The following GFRAL variants were observed in gnomAD, a reference collection of about 807,000 sequenced individuals.
GFRAL encodes GDNF family receptor alpha-like.
A neutral mutation model predicts 45.4 loss-of-function variants in GFRAL; 36 were observed. That is an observed-to-expected ratio of 0.79 (90% confidence interval 0.61 to 1.05). The LOEUF (loss-of-function observed/expected upper bound fraction) is 1.05, where lower values mean the gene tolerates loss of function less well. Ranked by LOEUF, GFRAL falls within the 50% of genes least tolerant of loss-of-function variation. The probability of loss-of-function intolerance (pLI) is 0.00; values close to 1 mark genes in which losing one functional copy is unlikely to be tolerated. For synonymous variants in GFRAL, 166 were observed against 154.1 expected (o/e 1.08, Z -0.57); for missense variants, 507 against 467.5 (o/e 1.08, Z -0.78).
chr6:55,352,042 C>T (rs1768125359), intron 5 of GFRAL, among the ~76,000 whole-genome samples: 1 of 152,064 alleles, frequency 6.6e-6, no homozygotes, highest in Non-Finnish European at 1.5e-5. Flanking sequence ...TAAATACTCA[C>T]ATGAGTGGTG....
At chr6:55,347,610 G>A (rs1205332554) in intron 3 of GFRAL, among the ~76,000 whole-genome samples, 2 of 152,068 alleles carry the variant, frequency 1.3e-5, no homozygotes, top group Non-Finnish European at 2.9e-5. Context: ...TTATAAGGAT[G>A]AATAATTAAT....
intron 3 of GFRAL, among the ~76,000 whole-genome samples, chr6:55,339,507 A>G (rs1767934442): frequency 6.6e-6 from 1 of 152,178 alleles, no homozygotes; most frequent in African/African-American, 2.4e-5. Flanking sequence ...GGAAAAACAC[A>G]AAGGGAGGAG....
chr6:55,331,610 C>A, intron 1 of GFRAL, 105 bp from the exon 2 acceptor site: 1 of 945,060 alleles, frequency 1.1e-6, no homozygotes, highest in Non-Finnish European at 1.5e-6. Flanking sequence ...TATTTCACTA[C>A]ATGTTATTTT....
At chr6:55,350,371 T>G (rs1768099922) in intron 4 of GFRAL, among the ~76,000 whole-genome samples, 1 of 152,034 alleles carries the variant, frequency 6.6e-6, no homozygotes, top group Admixed American at 6.6e-5. Context: ...AAGAAATACT[T>G]AATAATTAAA....
chr6:55,327,769 T>A (rs1767784657), intron 1 of GFRAL, among the ~76,000 whole-genome samples, 193 bp downstream of exon 1: 2 of 152,094 alleles, frequency 1.3e-5, no homozygotes, highest in South Asian at 4.1e-4. Context: ...TTTCTAACTC[T>A]ATAGATAATG....
In GFRAL at chr6:55,399,183, A is replaced by G; in HGVS notation, c.956A>G (p.Tyr319Cys). 2 of 1,545,646 alleles carry G rather than the reference A, an allele frequency of 1.3e-6. No individual in the cohort carries two copies. The highest frequency in any genetic ancestry group is 1.8e-6 in the Non-Finnish European group (2 of 1,132,172). Residue 319 changes from tyrosine to cysteine, a missense_variant, in exon 7 of 9, where the codon TAT (tyrosine) becomes TGT (cysteine). Coordinates refer to ENST00000340465, the MANE Select transcript of GFRAL (RefSeq NM_207410.2). The stretch of plus-strand genomic sequence containing the variant: ...CATTTTTATGATTTTCTTTCAGATT[A>G]TCCAACCCTGTCTAATGTCAAAGGC... Reference protein sequence around the residue: ...HMLHRKSCFNYPTLSNVKGMA... With the variant: ...HMLHRKSCFNCPTLSNVKGMA...
chr6:55,381,879 T>C (rs1768613403), intron 6 of GFRAL, among the ~76,000 whole-genome samples: 1 of 151,890 alleles, frequency 6.6e-6, no homozygotes, highest in Admixed American at 6.6e-5. Flanking sequence ...CATACACGTA[T>C]ACATAAATGC....
At chr6:55,392,082 T>G (rs919622911) in intron 6 of GFRAL, among the ~76,000 whole-genome samples, 7 of 152,190 alleles carry the variant, frequency 4.6e-5, no homozygotes, top group African/African-American at 1.7e-4. Flanking sequence ...GCAGAAGACA[T>G]TCATTGCTCT....
intron 3 of GFRAL, among the ~76,000 whole-genome samples, chr6:55,345,293 A>G (rs1286592240): frequency 6.6e-6 from 1 of 152,218 alleles, no homozygotes; most frequent in Admixed American, 6.5e-5. Context: ...ACTTCAAACT[A>G]TACTACAAGG....
At chr6:55,399,070 T>C in intron 6 of GFRAL, 110 bp from the exon 7 acceptor site, 1 of 559,492 alleles carries the variant, frequency 1.8e-6, no homozygotes, top group Non-Finnish European at 3.1e-6. Context: ...CAGATTAAAA[T>C]AATGTAATGG....
rs1029539903 is a variant in GFRAL, at chr6:55,402,134, C to T, written c.*281C>T. The T allele has an allele frequency of 4.5e-5, 11 of 242,998 alleles. No homozygotes were observed. Among genetic ancestry groups the T allele is most frequent in the East Asian group, 9.2e-5 (1 of 10,888 alleles). 15.1% of individuals were successfully genotyped at this position (242,998 alleles called of 1,614,324 possible). ...CTGGGATTACAGGTACCCGCCACCACGCCCAGCTAATTTTTTTGTATTTTT... is the reference window on the plus strand; with the variant it reads ...CTGGGATTACAGGTACCCGCCACCATGCCCAGCTAATTTTTTTGTATTTTT... On this transcript the variant is annotated 3_prime_UTR_variant, in exon 9 of 9. Transcript: ENST00000340465.
intron 3 of GFRAL, among the ~76,000 whole-genome samples, chr6:55,338,437 A>C (rs1767919028): frequency 6.6e-6 from 1 of 152,146 alleles, no homozygotes; most frequent in Admixed American, 6.5e-5. Context: ...AGATATCTTC[A>C]TTATTGATTT....
intron 6 of GFRAL, among the ~76,000 whole-genome samples, chr6:55,376,636 G>A (rs1768538739): frequency 6.6e-6 from 1 of 151,898 alleles, no homozygotes; most frequent in Non-Finnish European, 1.5e-5. Flanking sequence ...GTGCATAGAG[G>A]TGTTTATAGT....
chr6:55,395,175 A>AAAAAAATATATAT, intron 6 of GFRAL, among the ~76,000 whole-genome samples: 22 of 123,504 alleles, frequency 1.8e-4, no homozygotes, highest in African/African-American at 6.2e-4. Flanking sequence ...AAAAAAAAAA[A>AAAAAAATATATAT]ATATATATAT....
At chr6:55,368,698 GCC>G (rs1177686610) in intron 6 of GFRAL, among the ~76,000 whole-genome samples, 2 of 152,134 alleles carry the variant, frequency 1.3e-5, no homozygotes, top group Non-Finnish European at 2.9e-5. Flanking sequence ...GGAGTACCCT[GCC>G]CTGTGAGGTG....
At chr6:55,367,566 G>T (rs1344783517) in intron 6 of GFRAL, among the ~76,000 whole-genome samples, 1 of 150,874 alleles carries the variant, frequency 6.6e-6, no homozygotes, top group Non-Finnish European at 1.5e-5. Flanking sequence ...GCATGATTTT[G>T]CAGCAGCTGG....
rs772386106 is a variant in GFRAL at position 55,350,131 on chromosome 6, C to T, written c.356C>T (p.Thr119Ile). Residue 119 changes from threonine to isoleucine, a missense_variant, in exon 4 of 9, where the codon ACA (threonine) becomes ATA (isoleucine). By Grantham distance (89) the Thr-to-Ile change is moderately conservative. Coordinates refer to ENST00000340465, the MANE Select transcript of GFRAL (RefSeq NM_207410.2). The stretch of plus-strand genomic sequence containing the variant: ...GATAAATTCAAATGGAATCTAACTA[C>T]ACGTTCCCATCATGGTAATGTTTTT... ...KEDKFKWNLT[T>I]RSHHGFKGMW... The T allele has an allele frequency of 1.1e-5, 17 of 1,536,192 alleles. No homozygotes were observed. The highest frequency in any genetic ancestry group is 1.7e-5 in the Admixed American group (1 of 59,626).
intron 3 of GFRAL, among the ~76,000 whole-genome samples, chr6:55,340,673 G>A (rs1240644296): frequency 6.6e-6 from 1 of 152,138 alleles, no homozygotes; most frequent in Non-Finnish European, 1.5e-5. Context: ...TCAGACAGTG[G>A]GGGCAGGATA....
chr6:55,366,169 G>T lies in GFRAL; in HGVS notation c.952+7031G>T, dbSNP rs960727939. Reference sequence around the variant, plus strand: ...CAACATCTTCCTGGTTTAGTCTTGGGAGAGTGTATGTGTCGAGGAATTTAT... The same window carrying T: ...CAACATCTTCCTGGTTTAGTCTTGGTAGAGTGTATGTGTCGAGGAATTTAT... On this transcript the variant is annotated intron_variant, in intron 6 of 8. Transcript: ENST00000340465. Among the ~76,000 whole-genome samples the T allele has an allele frequency of 4.0e-3, 611 of 151,822 alleles. 1 individual carries two copies. The highest frequency in any genetic ancestry group is 0.014 in the African/African-American group (577 of 41,376).
Sources: gnomAD v4.1 joint callset for allele counts (sites outside exome capture counted in the v4.1 genomes callset) on GRCh38, gnomAD v4.1.1 for gene constraint, MANE v1.5 for transcripts, NCBI Gene and HGNC (gene_info 2026-07-23, HGNC 2026-07-21) for gene names.